The following LRP1B variants were observed in gnomAD, a reference collection of about 807,000 sequenced individuals.
LRP1B encodes LDL receptor related protein 1B, also known as low-density lipoprotein receptor-related protein 1B.
Under a neutral mutation model 556.6 loss-of-function variants are expected in LRP1B, and 217 were observed. That is an observed-to-expected ratio of 0.39 (90% confidence interval 0.35 to 0.44). LRP1B has a LOEUF of 0.44. Among genes scored for constraint, LRP1B ranks in the 20% least tolerant of loss-of-function variants. LRP1B has a pLI of 1.00. For synonymous variants in LRP1B, 2,047 were observed against 1,865.8 expected, an observed-to-expected ratio of 1.10 and a Z score of -2.50; for missense variants, 5,053 against 5,620.8, an observed-to-expected ratio of 0.90 and a Z score of 3.23.
chr2:141,358,898 A>G (rs1688720850), intron 3 of LRP1B, among the ~76,000 whole-genome samples: 1 of 152,192 alleles, frequency 6.6e-6, no homozygotes, highest in South Asian at 2.1e-4. Context: ...TTTGTAAAAC[A>G]CTTATAAAAA....
intron 2 of LRP1B, among the ~76,000 whole-genome samples, chr2:141,501,227 T>C (rs115876707): frequency 0.03 from 4,612 of 152,234 alleles, 111 homozygotes; most frequent in South Asian, 0.059. Flanking sequence ...AATTTTATTT[T>C]ATGTATACTT....
intron 41 of LRP1B, among the ~76,000 whole-genome samples, chr2:140,607,303 A>G (rs1682903429): frequency 6.6e-6 from 1 of 152,072 alleles, no homozygotes; most frequent in Non-Finnish European, 1.5e-5. Context: ...TTGAACCAAT[A>G]TATATTGATG....
At chr2:140,821,257 C>T (rs1691320283) in intron 31 of LRP1B, among the ~76,000 whole-genome samples, 4 of 152,086 alleles carry the variant, frequency 2.6e-5, no homozygotes, top group Admixed American at 1.3e-4. Flanking sequence ...CCCCCGCACC[C>T]CCAATTTAAT....
chr2:141,532,557 C>T (rs542794838), intron 2 of LRP1B, among the ~76,000 whole-genome samples: 13 of 151,826 alleles, frequency 8.6e-5, no homozygotes, highest in Admixed American at 5.3e-4. Flanking sequence ...AGTATCAGAA[C>T]ATATATAAAC....
chr2:141,217,040 T>C (rs978475327), intron 6 of LRP1B, among the ~76,000 whole-genome samples: 2 of 152,158 alleles, frequency 1.3e-5, no homozygotes, highest in African/African-American at 4.8e-5. Context: ...TATTTTGCAA[T>C]GTGAGAAGAA....
chr2:141,497,953 C>T (rs1261235394), intron 2 of LRP1B, among the ~76,000 whole-genome samples: 1 of 144,816 alleles, frequency 6.9e-6, no homozygotes, highest in Non-Finnish European at 1.5e-5. Context: ...CTAACACAGT[C>T]ATACGAAAAA....
At chr2:141,649,951 A>C (rs1689722676) in intron 2 of LRP1B, among the ~76,000 whole-genome samples, 1 of 152,192 alleles carries the variant, frequency 6.6e-6, no homozygotes, top group Non-Finnish European at 1.5e-5. Context: ...AGGCCGAAGC[A>C]GATGGATCAT....
At chr2:140,768,943 G>A (rs1429910626) in intron 35 of LRP1B, among the ~76,000 whole-genome samples, 1 of 151,586 alleles carries the variant, frequency 6.6e-6, no homozygotes, top group African/African-American at 2.4e-5. Flanking sequence ...AAAAAAGAGA[G>A]AGAAATAAAA....
intron 2 of LRP1B, among the ~76,000 whole-genome samples, chr2:141,686,931 C>T (rs1026261826): frequency 7.2e-5 from 11 of 151,938 alleles, no homozygotes; most frequent in Non-Finnish European, 1.5e-4. Flanking sequence ...CAGAAAGTTT[C>T]CACCAGCAAG....
chr2:141,473,757 T>C (rs1414842884), intron 3 of LRP1B, among the ~76,000 whole-genome samples: 1 of 152,188 alleles, frequency 6.6e-6, no homozygotes, highest in East Asian at 1.9e-4. Context: ...TTTCCCTCCC[T>C]GTGCTTTAAG....
At chr2:140,910,097 A>AAAAAAAT in intron 21 of LRP1B, among the ~76,000 whole-genome samples, 1 of 4,596 alleles carries the variant, frequency 2.2e-4, no homozygotes, top group East Asian at 0.042. Context: ...GAATCTTACC[A>AAAAAAAT]AAACAAAAAA....
At chr2:140,828,841 T>A (rs192372270) in intron 31 of LRP1B, among the ~76,000 whole-genome samples, 3 of 150,684 alleles carry the variant, frequency 2.0e-5, no homozygotes, top group Admixed American at 1.3e-4. Flanking sequence ...ATAATTTTTT[T>A]ATTCAGGCTT....
intron 3 of LRP1B, among the ~76,000 whole-genome samples, chr2:141,471,281 T>TGTTTGTGTTTTTG: frequency 2.4e-5 from 2 of 81,786 alleles, no homozygotes; most frequent in African/African-American, 9.8e-5. Context: ...TTTTTTTTTT[T>TGTTTGTGTTTTTG]TTTTTTTTTT....
chr2:140,785,045 A>C (rs1369469139), intron 32 of LRP1B, among the ~76,000 whole-genome samples: 3 of 152,170 alleles, frequency 2.0e-5, no homozygotes, highest in Non-Finnish European at 4.4e-5. Flanking sequence ...AGAGAAAAAA[A>C]AGATTCTACA....
At chr2:141,027,662 T>A (rs1558809739) in intron 11 of LRP1B, among the ~76,000 whole-genome samples, 1 of 152,138 alleles carries the variant, frequency 6.6e-6, no homozygotes, top group Admixed American at 6.6e-5. Context: ...GCAGTGCAGT[T>A]TTGCAAGATG....
intron 87 of LRP1B, among the ~76,000 whole-genome samples, chr2:140,246,283 G>A (rs1681157331): frequency 6.6e-6 from 1 of 151,276 alleles, no homozygotes; most frequent in Non-Finnish European, 1.5e-5. Context: ...TTCCATCAAG[G>A]ATGTTATTTT....
chr2:141,112,318 G>A (rs898255897), intron 7 of LRP1B, among the ~76,000 whole-genome samples: 3 of 152,066 alleles, frequency 2.0e-5, no homozygotes, highest in Admixed American at 2.0e-4. Flanking sequence ...TGCCTTCTTT[G>A]CTTCAGCTTT....
At chr2:141,914,510 A>G (rs947622234) in intron 1 of LRP1B, among the ~76,000 whole-genome samples, 1 of 152,230 alleles carries the variant, frequency 6.6e-6, no homozygotes, top group Non-Finnish European at 1.5e-5. Context: ...CAGATAAATC[A>G]GGAAAGAGAA....
chr2:140,972,943 G>T (rs1190225258), intron 18 of LRP1B, among the ~76,000 whole-genome samples: 1 of 145,578 alleles, frequency 6.9e-6, no homozygotes, highest in African/African-American at 2.5e-5. Context: ...GCAGCTTTTT[G>T]ATATATATAT....
Sources: allele counts gnomAD v4.1 joint callset (sites outside exome capture counted in the v4.1 genomes callset), GRCh38; gene constraint gnomAD v4.1.1; transcripts MANE v1.5; gene names NCBI Gene and HGNC (gene_info 2026-07-23, HGNC 2026-07-21).